Variants in NEDD4L observed in about 807,000 individuals in gnomAD.
NEDD4L encodes the protein NEDD4 like E3 ubiquitin protein ligase, also known as E3 ubiquitin-protein ligase NEDD4-like.
NEDD4L carries 54 observed loss-of-function variants against 148.9 expected under a neutral mutation model. The ratio of observed to expected loss-of-function variants is 0.36; its 90% CI spans 0.29 to 0.45. The LOEUF (loss-of-function observed/expected upper bound fraction) is 0.45, where lower values mean the gene tolerates loss of function less well. NEDD4L is among the 20% of genes least tolerant of loss of function. The probability of loss-of-function intolerance (pLI) is 1.00; values close to 1 mark genes in which losing one functional copy is unlikely to be tolerated. For missense variants in NEDD4L, 856 were observed against 1,233.8 expected, an observed-to-expected ratio of 0.69 and a Z score of 4.59; for synonymous variants, 433 against 440.7, an observed-to-expected ratio of 0.98 and a Z score of 0.22.
chr18:58,281,894 A>C (rs1207347237), intron 5 of NEDD4L, among the ~76,000 whole-genome samples: 2 of 151,560 alleles, frequency 1.3e-5, no homozygotes, highest in Non-Finnish European at 2.9e-5. Context: ...GCGTGGTGGC[A>C]GTCACCTGTA....
chr18:58,049,944 C>G (rs564659755), intron 1 of NEDD4L, among the ~76,000 whole-genome samples: 11 of 134,472 alleles, frequency 8.2e-5, no homozygotes, highest in African/African-American at 2.2e-4. Context: ...CCACTGCACT[C>G]TAGCCTGGGC....
intron 2 of NEDD4L, among the ~76,000 whole-genome samples, chr18:58,184,740 A>G (rs974585989): frequency 9.2e-5 from 14 of 152,102 alleles, no homozygotes; most frequent in Non-Finnish European, 2.1e-4. Context: ...CATCCTGGCT[A>G]ACACGGTGAA....
At chr18:58,363,150 G>A (rs990822591) in intron 19 of NEDD4L, among the ~76,000 whole-genome samples, 3 of 151,702 alleles carry the variant, frequency 2.0e-5, no homozygotes, top group Non-Finnish European at 4.4e-5. Context: ...TCATTTTCTG[G>A]AAGAGTGGTT....
intron 2 of NEDD4L, among the ~76,000 whole-genome samples, chr18:58,229,988 C>CA (rs1457236588): frequency 6.7e-6 from 1 of 150,184 alleles, no homozygotes; most frequent in Non-Finnish European, 1.5e-5. Context: ...GACTCTGTCT[C>CA]AAAAAAACAA....
At chr18:58,053,985 A>G (rs543847889) in intron 1 of NEDD4L, among the ~76,000 whole-genome samples, 1 of 152,354 alleles carries the variant, frequency 6.6e-6, no homozygotes, top group Admixed American at 6.5e-5. Context: ...GTGAGGGCAG[A>G]CTTTGGGTCA....
chr18:58,206,424 A>G (rs562707217), intron 2 of NEDD4L, among the ~76,000 whole-genome samples: 7 of 152,196 alleles, frequency 4.6e-5, no homozygotes, highest in South Asian at 2.1e-4. Context: ...CAAAAACCCA[A>G]ACTTTCAGCA....
At chr18:58,163,206 G>A (rs571201310) in intron 1 of NEDD4L, among the ~76,000 whole-genome samples, 2 of 152,306 alleles carry the variant, frequency 1.3e-5, no homozygotes, top group African/African-American at 4.8e-5. Context: ...GCACCTCCCC[G>A]AGTAAGTGGT....
At chr18:58,102,896 G>A (rs1388036456) in intron 1 of NEDD4L, among the ~76,000 whole-genome samples, 2 of 152,156 alleles carry the variant, frequency 1.3e-5, no homozygotes, top group Admixed American at 6.5e-5. Flanking sequence ...AATATGTACT[G>A]TAAAATTGTA....
intron 1 of NEDD4L, among the ~76,000 whole-genome samples, 176 bp downstream of exon 1, chr18:58,044,884 C>T (rs190834774): frequency 2.6e-5 from 4 of 152,314 alleles, no homozygotes; most frequent in Non-Finnish European, 4.4e-5. Flanking sequence ...CCGCACCCCC[C>T]ACCCTCCGCA....
intron 1 of NEDD4L, among the ~76,000 whole-genome samples, chr18:58,095,018 A>G (rs933271035): frequency 6.6e-6 from 1 of 152,064 alleles, no homozygotes; most frequent in Admixed American, 6.5e-5. Flanking sequence ...TAGACGATCT[A>G]GATATGTGTC....
At chr18:58,121,363 G>A (rs975317350) in intron 1 of NEDD4L, among the ~76,000 whole-genome samples, 1 of 152,096 alleles carries the variant, frequency 6.6e-6, no homozygotes, top group African/African-American at 2.4e-5. Context: ...TCTGAATGCT[G>A]CTGGTTTGGA....
At chr18:58,180,020 TCCATATCTG>T (rs1390163460) in intron 2 of NEDD4L, among the ~76,000 whole-genome samples, 1 of 152,132 alleles carries the variant, frequency 6.6e-6, no homozygotes, top group Non-Finnish European at 1.5e-5. Flanking sequence ...TCAAGCAGCG[TCCATATCTG>T]CCCTATTCTC....
intron 5 of NEDD4L, among the ~76,000 whole-genome samples, chr18:58,258,952 A>C (rs2048976857): frequency 6.6e-6 from 1 of 152,224 alleles, no homozygotes; most frequent in South Asian, 2.1e-4. Flanking sequence ...TTGGCGTTTC[A>C]AATATCCACT....
Position 58,044,541 on chromosome 18 carries a change from G to A in NEDD4L, c.-120G>A. 1 of 1,255,484 alleles carries A rather than the reference G, an allele frequency of 8.0e-7. No individual in the cohort carries two copies. The highest frequency in any genetic ancestry group is 1.0e-6 in the Non-Finnish European group (1 of 989,686). 77.8% of individuals were successfully genotyped at this position (1,255,484 alleles called of 1,614,324 possible). The stretch of plus-strand genomic sequence containing the variant: ...CCGGCGCCCGGCCGCTTACCCGGCA[G>A]GGCGTGCGCAGGGTAGGGTGCGGGA... On this transcript the variant is annotated 5_prime_UTR_variant, in exon 1 of 31. Transcript: ENST00000400345.
In NEDD4L at chr18:58,330,902, C is replaced by T; in HGVS notation, c.978C>T (p.Phe326=). 6.2e-7 allele frequency: 1 copy of T among 1,613,412 alleles called. No homozygotes were observed. The highest frequency in any genetic ancestry group is 8.5e-7 in the Non-Finnish European group (1 of 1,179,484). ...QITPDSNGEQ[F]SSLIQREPSS... Reference sequence around the variant, plus strand: ...CTCCAGACTCCAATGGGGAACAGTTCAGCTCTTTGATTGTAAGTAGTGGCC... The same window carrying T: ...CTCCAGACTCCAATGGGGAACAGTTTAGCTCTTTGATTGTAAGTAGTGGCC... Residue 326 remains phenylalanine (F), a synonymous_variant, in exon 11 of 31, where the codon TTC becomes TTT. Coordinates refer to ENST00000400345, the MANE Select transcript of NEDD4L (RefSeq NM_001144967.3).
intron 5 of NEDD4L, among the ~76,000 whole-genome samples, chr18:58,287,404 A>G (rs1182257095): frequency 6.6e-6 from 1 of 152,228 alleles, no homozygotes; most frequent in Non-Finnish European, 1.5e-5. Context: ...TTTGTCTTCT[A>G]GTATAGGCTC....
chr18:58,129,381 C>T (rs1413184902), intron 1 of NEDD4L, among the ~76,000 whole-genome samples: 1 of 152,162 alleles, frequency 6.6e-6, no homozygotes, highest in Admixed American at 6.5e-5. Flanking sequence ...GTGTTCATGT[C>T]CTGGGATTAG....
intron 1 of NEDD4L, among the ~76,000 whole-genome samples, chr18:58,130,492 G>C (rs1429708375): frequency 4.8e-4 from 66 of 136,642 alleles, no homozygotes; most frequent in African/African-American, 1.8e-3. Context: ...GTTGGGCTCT[G>C]TTGGGGTTTG....
chr18:58,369,692 C>T (rs2046585073), intron 22 of NEDD4L, among the ~76,000 whole-genome samples: 2 of 152,124 alleles, frequency 1.3e-5, no homozygotes, highest in South Asian at 4.1e-4. Flanking sequence ...CTGGTGGGGT[C>T]AGGACCCCCT....
Sources: allele counts gnomAD v4.1 joint callset (sites outside exome capture counted in the v4.1 genomes callset), GRCh38; gene constraint gnomAD v4.1.1; transcripts MANE v1.5; gene names NCBI Gene and HGNC (gene_info 2026-07-23, HGNC 2026-07-21).